The following ABCC2 variants were observed in gnomAD, a reference collection of about 807,000 sequenced individuals.
ABCC2 encodes ATP binding cassette subfamily C member 2.
In ABCC2, 157 loss-of-function variants were observed where a neutral mutation model predicts 173.4. That is an observed-to-expected ratio of 0.91 (90% CI 0.80 to 1.03). ABCC2 has a LOEUF of 1.03. Among genes scored for constraint, ABCC2 ranks in the 50% least tolerant of loss-of-function variants. The pLI, the probability that ABCC2 is intolerant of heterozygous loss-of-function variation, is 0.00. For synonymous variants in ABCC2, 657 were observed against 693.5 expected (o/e 0.95, Z 0.83); for missense variants, 1,822 against 1,852.3 (o/e 0.98, Z 0.30).
Position 99,799,300 on chromosome 10 carries a change from G to A in ABCC2, c.961G>A (p.Val321Met). ...MKALFKTFYM[V>M]LLKSFLLKLV... The stretch of plus-strand genomic sequence containing the variant: ...GGCTCTGTTCAAAACTTTCTACATG[G>A]TGCTCCTGAAATCATTCCTACTGAA... Residue 321 changes from valine (V) to methionine (M), a missense_variant, in exon 8 of 32, where the codon GTG becomes ATG. Coordinates refer to ENST00000647814, the MANE Select transcript of ABCC2 (RefSeq NM_000392.5). 3 of 1,614,074 alleles carry A rather than the reference G, an allele frequency of 1.9e-6. No homozygotes were observed. The highest frequency in any genetic ancestry group is 1.7e-6 in the Non-Finnish European group (2 of 1,180,020).
At chr10:99,806,284 G>T (rs553868671) in intron 11 of ABCC2, among the ~76,000 whole-genome samples, 1 of 152,142 alleles carries the variant, frequency 6.6e-6, no homozygotes, top group Non-Finnish European at 1.5e-5. Context: ...TAACTTGAGC[G>T]GGCCCAGGTG....
intron 21 of ABCC2, 82 bp downstream of exon 21, chr10:99,830,933 C>A (rs1032920712): frequency 6.6e-7 from 1 of 1,507,354 alleles, no homozygotes; most frequent in African/African-American, 1.4e-5. Context: ...GAAAATTGAA[C>A]GCATACTTAC....
chr10:99,803,179 G>C (rs1204351099), intron 9 of ABCC2, among the ~76,000 whole-genome samples: 8 of 152,152 alleles, frequency 5.3e-5, no homozygotes, highest in Non-Finnish European at 2.9e-5. Flanking sequence ...ATATTGGCCA[G>C]GCTGGTCTTG....
chr10:99,787,336 A>G (rs1331519630), intron 2 of ABCC2, among the ~76,000 whole-genome samples: 6 of 152,220 alleles, frequency 3.9e-5, no homozygotes, highest in African/African-American at 1.4e-4. Flanking sequence ...GACATTTCAT[A>G]TGAATGGAAT....
At chr10:99,839,262 C>T (rs1257489453) in intron 25 of ABCC2, among the ~76,000 whole-genome samples, 30 of 102,298 alleles carry the variant, frequency 2.9e-4, no homozygotes, top group African/African-American at 9.1e-4. Flanking sequence ...CCCTCCCGGA[C>T]GGGGCGGCTG....
Position 99,800,441 on chromosome 10 carries a change from T to C in ABCC2, c.1087T>C (p.Cys363Arg), listed in dbSNP as rs746247549. The C allele has an allele frequency of 5.0e-6, 8 of 1,614,190 alleles. No homozygotes were observed. The highest frequency in any genetic ancestry group is 6.8e-6 in the Non-Finnish European group (8 of 1,180,012). ...RDTYLWIGYL[C>R]AILLFTAALI... ...CACATATTTGTGGATTGGATATCTCTGTGCAATCCTCTTATTCACTGCGGC... is the reference window on the plus strand; with the variant it reads ...CACATATTTGTGGATTGGATATCTCCGTGCAATCCTCTTATTCACTGCGGC... The change falls in exon 9 of 32, where the codon TGT becomes CGT. Residue 363 changes from cysteine (C) to arginine (R), a missense_variant. By Grantham distance (180) the Cys-to-Arg change is radical. Transcript: ENST00000647814.
Position 99,850,604 on chromosome 10 carries a change from T to C in ABCC2, c.4316T>C (p.Ile1439Thr). ...EVTEAGGNLS[I>T]GQRQLLCLGR... ...ATGGTTGCTTCTATTGGCTGCAGCA[T>C]AGGCCAGAGGCAGCTGCTGTGCCTG... is the stretch of plus-strand genomic sequence containing the variant. The change falls in exon 31 of 32, where the codon ATA becomes ACA. Residue 1439 changes from isoleucine (I) to threonine (T), a missense_variant and splice_region_variant. By Grantham distance (89) the Ile-to-Thr change is moderately conservative. Transcript: ENST00000647814. The C allele has an allele frequency of 6.2e-7, 1 of 1,614,178 alleles. No homozygotes were observed. The highest frequency in any genetic ancestry group is 8.5e-7 in the Non-Finnish European group (1 of 1,180,012).
intron 23 of ABCC2, 82 bp downstream of exon 23, chr10:99,832,213 G>GGTGGTGTGTTTATAT: frequency 6.5e-7 from 1 of 1,543,556 alleles, no homozygotes; most frequent in African/African-American, 1.4e-5. Flanking sequence ...TGTCCCCCTA[G>GGTGGTGTGTTTATAT]ACAACACTGT....
At chr10:99,803,963 A>G in intron 9 of ABCC2, 56 bp from the exon 10 acceptor site, 13 of 1,609,470 alleles carry the variant, frequency 8.1e-6, no homozygotes, top group Non-Finnish European at 1.1e-5. Context: ...TTCCTCTTCT[A>G]CTCCCTAGTA....
chr10:99,801,516 A>G (rs1175753421), intron 9 of ABCC2, among the ~76,000 whole-genome samples: 3 of 152,342 alleles, frequency 2.0e-5, no homozygotes, highest in South Asian at 2.1e-4. Context: ...GATTATAGGC[A>G]TGAGCCAACG....
chr10:99,850,532 A>G (rs2039073137), intron 30 of ABCC2, 70 bp from the exon 31 acceptor site: 1 of 1,488,846 alleles, frequency 6.7e-7, no homozygotes, highest in Middle Eastern at 2.2e-4. Context: ...GAACATGAAA[A>G]TGGTCCCCCT....
At position 99,843,138 on chromosome 10, in the gene ABCC2, A is replaced by G. The variant is rs9804274; in HGVS notation, c.3742-661A>G. On this transcript the variant is annotated intron_variant, in intron 26 of 31. Transcript: ENST00000647814. ...ACTTTGTTATTCACTAGAGTCACTT[A>G]GTTCCTTGTGTCACTGCCCTTTCAT... Among the ~76,000 whole-genome samples the G allele has an allele frequency of 3.3e-3, 502 of 152,172 alleles. 3 individuals are homozygous for G. The highest frequency in any genetic ancestry group is 0.011 in the African/African-American group (474 of 41,522).
chr10:99,844,395 A>G lies in ABCC2; in HGVS notation c.3917A>G (p.Gln1306Arg). The G allele has an allele frequency of 6.2e-7, 1 of 1,614,186 alleles. No individual in the cohort carries two copies. Residue 1306 changes from glutamine (Q) to arginine (R), a missense_variant, in exon 28 of 32, where the codon CAA (glutamine) becomes CGA (arginine). By Grantham distance (43) the Gln-to-Arg change is conservative. Transcript: ENST00000647814. ...GGCAAGATCCAGTTTAACAACTACC[A>G]AGTGCGGTACCGACCTGAGCTGGAT... ...SKGKIQFNNY[Q>R]VRYRPELDLV...
intron 27 of ABCC2, 26 bp downstream of exon 27, chr10:99,843,926 G>A (rs1290673424): frequency 1.9e-6 from 3 of 1,576,954 alleles, no homozygotes; most frequent in Non-Finnish European, 2.6e-6. Flanking sequence ...AAAAATCCAG[G>A]AACAAGGCAA....
Position 99,834,524 on chromosome 10 carries a change from G to A in ABCC2, c.3403G>A (p.Val1135Ile). ...CGTCATTCCTCTTGGCATTATTTAT[G>A]TATCTGTTCAGGTAGGTTTGGAAAT... is the stretch of plus-strand genomic sequence containing the variant. ...IIVIPLGIIY[V>I]SVQMFYVSTS... Residue 1135 changes from valine to isoleucine, a missense_variant, in exon 24 of 32, where the codon GTA (valine) becomes ATA (isoleucine). Coordinates refer to ENST00000647814, the MANE Select transcript of ABCC2 (RefSeq NM_000392.5). 1 of 1,614,140 alleles carries A rather than the reference G, an allele frequency of 6.2e-7. No homozygotes were observed. Among genetic ancestry groups the A allele is most frequent in the Admixed American group, 1.7e-5 (1 of 60,018 alleles).
chr10:99,840,728 G>A (rs1340456052), intron 25 of ABCC2, among the ~76,000 whole-genome samples: 1 of 152,126 alleles, frequency 6.6e-6, no homozygotes, highest in Non-Finnish European at 1.5e-5. Context: ...TGTTGGCCAG[G>A]ATCATCTCAA....
Position 99,836,265 on chromosome 10 carries a change from G to C in ABCC2, c.3589G>C (p.Val1197Leu), listed in dbSNP as rs768373392. 1 of 1,614,178 alleles carries C rather than the reference G, an allele frequency of 6.2e-7. No individual in the cohort carries two copies. Among genetic ancestry groups the C allele is most frequent in the South Asian group, 1.1e-5 (1 of 91,088 alleles). Residue 1197 changes from valine (V) to leucine (L), a missense_variant, in exon 25 of 32, where the codon GTC (valine) becomes CTC (leucine). Val to Leu is a conservative substitution (Grantham distance 32). Coordinates refer to ENST00000647814, the MANE Select transcript of ABCC2 (RefSeq NM_000392.5). Reference sequence around the variant, plus strand: ...GAGGATTGACACCAACCAGAAATGTGTCTTTTCCTGGATCACCTCCAACAG... The same window carrying C: ...GAGGATTGACACCAACCAGAAATGTCTCTTTTCCTGGATCACCTCCAACAG... ...EVRIDTNQKC[V>L]FSWITSNRWL...
Position 99,851,676 on chromosome 10 carries a change from TATTTA to T in ABCC2, c.*50_*54del. 1 of 1,509,038 alleles carries T rather than the reference TATTTA, an allele frequency of 6.6e-7. No individual in the cohort carries two copies. Among genetic ancestry groups the T allele is most frequent in the African/African-American group, 1.4e-5 (1 of 70,934 alleles). 93.5% of individuals were successfully genotyped at this position (1,509,038 alleles called of 1,614,324 possible). On this transcript the variant is annotated 3_prime_UTR_variant, in exon 32 of 32. Coordinates refer to ENST00000647814, the MANE Select transcript of ABCC2 (RefSeq NM_000392.5). Reference sequence around the variant, plus strand: ...GAAAAGGACTATAAGAATAATTTCTTATTTAATTTTATTTTTTATAAAATACAGAA... The same window carrying T: ...GAAAAGGACTATAAGAATAATTTCTTATTTTATTTTTTATAAAATACAGAA...
At chr10:99,788,729 A>T (rs1269928669) in intron 2 of ABCC2, 1 of 154,740 alleles carries the variant, frequency 6.5e-6, no homozygotes, top group African/African-American at 2.4e-5. Flanking sequence ...TGCATGCAGG[A>T]CTACCAAGAT....
Sources: gnomAD v4.1 joint callset for allele counts (sites outside exome capture counted in the v4.1 genomes callset) on GRCh38, gnomAD v4.1.1 for gene constraint, MANE v1.5 for transcripts, NCBI Gene and HGNC (gene_info 2026-07-23, HGNC 2026-07-21) for gene names.